The following EEIG2 variants were observed in gnomAD, a reference collection of about 807,000 sequenced individuals.
EEIG2 encodes the protein EEIG family member 2.
chr1:108,590,669 G>T, the EEIG2 span, among the ~76,000 whole-genome samples: 1 of 152,204 alleles, frequency 6.6e-6, no homozygotes, highest in Non-Finnish European at 1.5e-5. Flanking sequence ...CAAGCAGCCT[G>T]GCTCTGGATC....
At chr1:108,622,238 G>A in the EEIG2 span, among the ~76,000 whole-genome samples, 1 of 152,168 alleles carries the variant, frequency 6.6e-6, no homozygotes, top group East Asian at 1.9e-4. Context: ...AAGTTCTGAG[G>A]GATTTGAGTT....
the EEIG2 span, chr1:108,628,494 T>C: frequency 1.9e-6 from 3 of 1,614,178 alleles, no homozygotes; most frequent in Non-Finnish European, 1.7e-6. Context: ...GAAAGTATTC[T>C]AGAGCCATGT....
chr1:108,610,366 A>C, the EEIG2 span, among the ~76,000 whole-genome samples: 1 of 152,164 alleles, frequency 6.6e-6, no homozygotes, highest in Admixed American at 6.5e-5. Context: ...CAGGTAGGTG[A>C]GTGGATGTCA....
chr1:108,571,796 C>G, the EEIG2 span, among the ~76,000 whole-genome samples: 1 of 152,148 alleles, frequency 6.6e-6, no homozygotes, highest in Non-Finnish European at 1.5e-5. Context: ...CGTCCTTCCT[C>G]CTTACTGTCT....
the EEIG2 span, among the ~76,000 whole-genome samples, chr1:108,609,989 A>G: frequency 3.9e-5 from 6 of 152,194 alleles, no homozygotes; most frequent in African/African-American, 1.2e-4. Flanking sequence ...TGATAGGTGC[A>G]GTAAATCACC....
At chr1:108,639,312 A>C in the EEIG2 span, 1 of 151,996 alleles carries the variant, frequency 6.6e-6, no homozygotes, top group African/African-American at 2.4e-5. Flanking sequence ...AATAAAAATC[A>C]TATATTAAAA....
the EEIG2 span, among the ~76,000 whole-genome samples, chr1:108,565,401 A>G: frequency 2.0e-5 from 3 of 152,236 alleles, no homozygotes; most frequent in Non-Finnish European, 4.4e-5. Flanking sequence ...GTCCTCATGC[A>G]GTACATGACT....
chr1:108,564,367 A>T, the EEIG2 span, among the ~76,000 whole-genome samples: 3 of 152,352 alleles, frequency 2.0e-5, no homozygotes, highest in South Asian at 6.2e-4. Context: ...GTGACTGATA[A>T]ATGATAATCT....
chr1:108,615,895 G>A, the EEIG2 span, among the ~76,000 whole-genome samples: 1 of 152,028 alleles, frequency 6.6e-6, no homozygotes, highest in Non-Finnish European at 1.5e-5. Flanking sequence ...CATCAACGTG[G>A]CAACTTGAAG....
the EEIG2 span, chr1:108,636,015 C>A: frequency 6.6e-6 from 1 of 152,146 alleles, no homozygotes; most frequent in Non-Finnish European, 1.5e-5. Context: ...AACAGAGAAG[C>A]CTTTTCTATG....
At chr1:108,600,428 C>T in the EEIG2 span, 8 of 918,944 alleles carry the variant, frequency 8.7e-6, no homozygotes, top group East Asian at 2.8e-5. Flanking sequence ...AATTTGCTTC[C>T]TTCCTGCTAC....
At chr1:108,616,087 G>C in the EEIG2 span, among the ~76,000 whole-genome samples, 3 of 148,906 alleles carry the variant, frequency 2.0e-5, no homozygotes, top group Non-Finnish European at 3.0e-5. Context: ...TAATCTATAT[G>C]GAGCAGTAAT....
the EEIG2 span, among the ~76,000 whole-genome samples, chr1:108,594,487 G>A: frequency 1.3e-5 from 2 of 152,126 alleles, no homozygotes; most frequent in Non-Finnish European, 2.9e-5. Context: ...AACCTTTCCT[G>A]CTGAGTGACC....
At chr1:108,611,588 A>G in the EEIG2 span, among the ~76,000 whole-genome samples, 1 of 152,356 alleles carries the variant, frequency 6.6e-6, no homozygotes, top group East Asian at 1.9e-4. Context: ...GATGATCAGC[A>G]AGGCAAATGT....
At chr1:108,587,321 A>T in the EEIG2 span, among the ~76,000 whole-genome samples, 1 of 152,070 alleles carries the variant, frequency 6.6e-6, no homozygotes, top group African/African-American at 2.4e-5. Context: ...TGCCTCCTAT[A>T]CCTCCTGTCC....
the EEIG2 span, among the ~76,000 whole-genome samples, chr1:108,574,716 C>T: frequency 2.0e-5 from 3 of 152,228 alleles, no homozygotes; most frequent in Non-Finnish European, 2.9e-5. Context: ...TGCCATTGCA[C>T]TCCAGCCTGG....
the EEIG2 span, among the ~76,000 whole-genome samples, chr1:108,606,495 A>G: frequency 6.6e-6 from 1 of 152,194 alleles, no homozygotes; most frequent in Non-Finnish European, 1.5e-5. Context: ...TCTAGTTTGC[A>G]TTAAGCCATA....
the EEIG2 span, among the ~76,000 whole-genome samples, chr1:108,587,339 C>A: frequency 6.6e-6 from 1 of 152,134 alleles, no homozygotes; most frequent in African/African-American, 2.4e-5. Context: ...TCCCCACATA[C>A]ACACAATATC....
At chr1:108,572,280 T>C in the EEIG2 span, among the ~76,000 whole-genome samples, 1 of 152,332 alleles carries the variant, frequency 6.6e-6, no homozygotes, top group South Asian at 2.1e-4. Flanking sequence ...TTATAGACTT[T>C]ATTTTCAGAG....
Sources: gnomAD v4.1 joint callset for allele counts (sites outside exome capture counted in the v4.1 genomes callset) on GRCh38, gnomAD v4.1.1 for gene constraint, MANE v1.5 for transcripts, NCBI Gene and HGNC (gene_info 2026-07-23, HGNC 2026-07-21) for gene names.